The following MSH3 variants were observed in gnomAD, a reference collection of about 807,000 sequenced individuals.
MSH3 encodes the protein DNA mismatch repair protein Msh3.
In MSH3, 106 loss-of-function variants were observed where a neutral mutation model predicts 123.3. The ratio of observed to expected loss-of-function variants is 0.86; its 90% CI spans 0.73 to 1.01. The LOEUF (loss-of-function observed/expected upper bound fraction) is 1.01. Among genes scored for constraint, MSH3 ranks in the 50% least tolerant of loss-of-function variants. MSH3 has a pLI of 0.00. For synonymous variants in MSH3, 515 were observed against 481.4 expected (o/e 1.07, Z -0.91); for missense variants, 1,459 against 1,347.6 (o/e 1.08, Z -1.29).
chr5:80,830,409 A>T (rs2112077585), intron 20 of MSH3, among the ~76,000 whole-genome samples: 1 of 152,332 alleles, frequency 6.6e-6, no homozygotes. Context: ...GAAAAACAGG[A>T]TCAGAGAGAG....
chr5:80,837,624 G>A (rs965936744), intron 20 of MSH3, among the ~76,000 whole-genome samples: 1 of 151,922 alleles, frequency 6.6e-6, no homozygotes, highest in African/African-American at 2.4e-5. Context: ...CATCTTAAAG[G>A]GGCAAGGAAA....
chr5:80,767,789 A>AT, intron 13 of MSH3, 144 bp from the exon 14 acceptor site: 1 of 647,514 alleles, frequency 1.5e-6, no homozygotes, highest in East Asian at 2.8e-5. Flanking sequence ...CATTTAGAAA[A>AT]TATCAGTGAT....
chr5:80,703,103 C>A (rs1750647089), intron 8 of MSH3, among the ~76,000 whole-genome samples: 2 of 152,188 alleles, frequency 1.3e-5, no homozygotes, highest in Non-Finnish European at 2.9e-5. Context: ...GTCATCTTCA[C>A]AACAATCCTT....
chr5:80,811,213 GAAT>G (rs1745002496), intron 19 of MSH3, among the ~76,000 whole-genome samples: 1 of 151,900 alleles, frequency 6.6e-6, no homozygotes, highest in South Asian at 2.1e-4. Context: ...TGACATATAG[GAAT>G]AATGAGTTTT....
At chr5:80,838,494 C>T (rs1435040694) in intron 20 of MSH3, among the ~76,000 whole-genome samples, 2 of 152,162 alleles carry the variant, frequency 1.3e-5, no homozygotes, top group Non-Finnish European at 2.9e-5. Context: ...AGGAAAATTG[C>T]TCACATATGT....
At chr5:80,680,032 C>A (rs944831001) in intron 8 of MSH3, among the ~76,000 whole-genome samples, 5 of 151,716 alleles carry the variant, frequency 3.3e-5, no homozygotes, top group Non-Finnish European at 4.4e-5. Context: ...GAGGCTGAGG[C>A]GGGTGGATCA....
chr5:80,833,710 G>T (rs1745460021), intron 20 of MSH3, among the ~76,000 whole-genome samples: 1 of 152,200 alleles, frequency 6.6e-6, no homozygotes, highest in Admixed American at 6.5e-5. Context: ...CAAAGTGCTG[G>T]GATTACAGGC....
At chr5:80,719,998 G>C (rs556911559) in intron 8 of MSH3, among the ~76,000 whole-genome samples, 1 of 152,280 alleles carries the variant, frequency 6.6e-6, no homozygotes, top group South Asian at 2.1e-4. Flanking sequence ...TCCCCAGGTG[G>C]TGGTGATGCT....
chr5:80,675,503 G>A (rs1053495770), intron 7 of MSH3, among the ~76,000 whole-genome samples: 1 of 152,100 alleles, frequency 6.6e-6, no homozygotes, highest in Non-Finnish European at 1.5e-5. Context: ...CAAGCACAAG[G>A]CTAGCAGGAG....
intron 2 of MSH3, among the ~76,000 whole-genome samples, chr5:80,662,052 ACAGT>A (rs1235258110): frequency 3.3e-5 from 5 of 152,240 alleles, no homozygotes; most frequent in Admixed American, 2.0e-4. Flanking sequence ...CTACCTAATG[ACAGT>A]CAGTGAGGGA....
chr5:80,698,984 A>C (rs1750547575), intron 8 of MSH3, among the ~76,000 whole-genome samples: 1 of 152,158 alleles, frequency 6.6e-6, no homozygotes, highest in South Asian at 2.1e-4. Context: ...ATAAAAAGAG[A>C]ATCAAGAGTG....
chr5:80,680,493 C>G (rs1749950814), intron 8 of MSH3, among the ~76,000 whole-genome samples: 1 of 150,992 alleles, frequency 6.6e-6, no homozygotes, highest in Admixed American at 6.6e-5. Context: ...CATTTTGGCA[C>G]ATTATTTCCG....
At chr5:80,672,203 A>G in intron 4 of MSH3, 41 bp from the exon 5 acceptor site, 1 of 1,406,390 alleles carries the variant, frequency 7.1e-7, no homozygotes, top group Non-Finnish European at 1.0e-6. Context: ...AGGGAATCTT[A>G]AAATATAAAT....
intron 20 of MSH3, among the ~76,000 whole-genome samples, chr5:80,833,182 A>C (rs186384128): frequency 6.3e-4 from 96 of 152,198 alleles, no homozygotes; most frequent in Middle Eastern, 6.8e-3. Context: ...TGCCACTCCT[A>C]AAAATATCAG....
intron 15 of MSH3, among the ~76,000 whole-genome samples, chr5:80,772,076 A>AATAT (rs1744222625): frequency 6.6e-6 from 1 of 152,188 alleles, no homozygotes; most frequent in Non-Finnish European, 1.5e-5. Flanking sequence ...ATATTTTATG[A>AATAT]ATATATACCA....
intron 12 of MSH3, among the ~76,000 whole-genome samples, chr5:80,752,687 A>G (rs1031519453): frequency 6.6e-6 from 1 of 152,180 alleles, no homozygotes; most frequent in African/African-American, 2.4e-5. Context: ...GTGGTTCCTC[A>G]TAGCAATTTT....
At chr5:80,732,215 G>C (rs1393391298) in intron 10 of MSH3, among the ~76,000 whole-genome samples, 1 of 152,164 alleles carries the variant, frequency 6.6e-6, no homozygotes, top group African/African-American at 2.4e-5. Flanking sequence ...CTAAATTTAT[G>C]AAATTCAGAG....
intron 7 of MSH3, among the ~76,000 whole-genome samples, chr5:80,676,948 C>T (rs1208073234): frequency 6.6e-6 from 1 of 152,170 alleles, no homozygotes; most frequent in Non-Finnish European, 1.5e-5. Context: ...AGCCGTTTGC[C>T]CTTCAAGCAT....
At chr5:80,815,018 T>A (rs1238497047) in intron 20 of MSH3, among the ~76,000 whole-genome samples, 2 of 152,132 alleles carry the variant, frequency 1.3e-5, no homozygotes, top group East Asian at 3.8e-4. Flanking sequence ...AAGCTTTGTG[T>A]ATAGAGTGTC....
Sources: allele counts gnomAD v4.1 joint callset (sites outside exome capture counted in the v4.1 genomes callset), GRCh38; gene constraint gnomAD v4.1.1; transcripts MANE v1.5; gene names NCBI Gene and HGNC (gene_info 2026-07-23, HGNC 2026-07-21).